PLAT: variants seen among roughly 807,000 people sequenced by gnomAD.
PLAT encodes tissue-type plasminogen activator.
Under a neutral mutation model 74.9 loss-of-function variants are expected in PLAT, and 48 were observed. That is an observed-to-expected ratio of 0.64 (90% CI 0.51 to 0.82). The LOEUF (loss-of-function observed/expected upper bound fraction) is 0.82, where lower values mean the gene tolerates loss of function less well. Among genes scored for constraint, PLAT ranks in the 40% least tolerant of loss-of-function variants. The pLI is 0.00. For synonymous variants in PLAT, 307 were observed against 294.4 expected, an observed-to-expected ratio of 1.04 and a Z score of -0.44; for missense variants, 673 against 736.2, an observed-to-expected ratio of 0.91 and a Z score of 0.99.
intron 12 of PLAT, 39 bp from the exon 13 acceptor site, chr8:42,179,102 T>G: frequency 6.6e-7 from 1 of 1,522,436 alleles, no homozygotes; most frequent in East Asian, 2.3e-5. Flanking sequence ...TAGGGAAAGT[T>G]ATTTATAAAC....
intron 1 of PLAT, among the ~76,000 whole-genome samples, chr8:42,202,582 T>C (rs1001234553): frequency 1.3e-5 from 2 of 150,422 alleles, no homozygotes; most frequent in African/African-American, 2.4e-5. Flanking sequence ...ACCCATGCTA[T>C]ATATTCACCA....
At position 42,193,167 on chromosome 8, in the gene PLAT, C is replaced by G; in HGVS notation, c.19G>C (p.Gly7Arg). The stretch of plus-strand genomic sequence containing the variant: ...CACAGCAGCAGCACACAGCAGAGCC[C>G]TCTCTTCATTGCATCCATGATTGCT... MDAMKR[G>R]LCCVLLLCGA... Residue 7 changes from glycine (G) to arginine (R), a missense_variant, in exon 2 of 14, where the codon GGG becomes CGG. By Grantham distance (125) the Gly-to-Arg change is moderately radical (BLOSUM62 -2). Transcript: ENST00000220809. The G allele has an allele frequency of 6.2e-7, 1 of 1,613,936 alleles. No homozygotes were observed. The highest frequency in any genetic ancestry group is 8.5e-7 in the Non-Finnish European group (1 of 1,179,858).
At chr8:42,184,994 C>A in intron 7 of PLAT, 87 bp downstream of exon 7, 1 of 833,614 alleles carries the variant, frequency 1.2e-6, no homozygotes, top group Non-Finnish European at 1.9e-6. Context: ...CCTTTCTCCC[C>A]TCAGGTGCAG....
intron 1 of PLAT, among the ~76,000 whole-genome samples, chr8:42,194,241 AGTGT>A (rs36208802): frequency 0.11 from 5,514 of 52,114 alleles, 180 homozygotes; most frequent in South Asian, 0.17. Context: ...AGAGAGAGAG[AGTGT>A]GTGTGTGTGT....
intron 1 of PLAT, chr8:42,195,526 C>G (rs1449230871): frequency 6.6e-6 from 1 of 152,270 alleles, no homozygotes; most frequent in Non-Finnish European, 1.5e-5. Context: ...GTCCCTTTCT[C>G]CCCGGGAGGA....
chr8:42,185,133 A>C lies in PLAT; in HGVS notation c.579T>G (p.Phe193Leu), dbSNP rs751626399. ...ACTCTGAGCTGTACTTCCCCGCCTT[A>C]AAGACGTAGCACCAGGGCTTTGAGT... is the stretch of plus-strand genomic sequence containing the variant. The part of the protein sequence containing the change: ...DRDSKPWCYV[F>L]KAGKYSSEFC... Residue 193 changes from phenylalanine to leucine, a missense_variant, in exon 7 of 14, where the codon TTT becomes TTG. Physicochemically the swap from Phe to Leu is conservative, Grantham distance 22. Coordinates refer to ENST00000220809, the MANE Select transcript of PLAT (RefSeq NM_000930.5). The C allele has an allele frequency of 1.7e-5, 28 of 1,612,762 alleles. No individual in the cohort carries two copies. The highest frequency in any genetic ancestry group is 2.4e-5 in the Non-Finnish European group (28 of 1,179,466).
chr8:42,202,244 G>C (rs542862462), intron 1 of PLAT, among the ~76,000 whole-genome samples: 5 of 150,230 alleles, frequency 3.3e-5, no homozygotes, highest in African/African-American at 1.2e-4. Context: ...TTCAAGACCC[G>C]GGCTGGTTTC....
At chr8:42,176,531 C>T (rs1168093847) in intron 13 of PLAT, among the ~76,000 whole-genome samples, 1 of 152,176 alleles carries the variant, frequency 6.6e-6, no homozygotes, top group African/African-American at 2.4e-5. Context: ...TCTGGCCACC[C>T]CCACCCAAGA....
intron 7 of PLAT, among the ~76,000 whole-genome samples, chr8:42,183,152 C>T (rs754099982): frequency 2.6e-5 from 4 of 152,136 alleles, no homozygotes; most frequent in Non-Finnish European, 4.4e-5. Context: ...TACAGGCATG[C>T]GCCACCATGC....
chr8:42,188,366 A>G (rs577303914), intron 4 of PLAT: 2 of 211,904 alleles, frequency 9.4e-6, no homozygotes, highest in African/African-American at 4.6e-5. Flanking sequence ...ACAGCAAACC[A>G]TGAAGTGTGT....
intron 3 of PLAT, 60 bp from the exon 4 acceptor site, chr8:42,189,131 C>A: frequency 1.9e-6 from 3 of 1,569,944 alleles, no homozygotes; most frequent in Non-Finnish European, 2.6e-6. Context: ...TGCCTCACTA[C>A]CCTTGCACCT....
At chr8:42,195,796 T>A (rs1309432752) in intron 1 of PLAT, 2 of 152,222 alleles carry the variant, frequency 1.3e-5, no homozygotes, top group Non-Finnish European at 2.9e-5. Flanking sequence ...TTCTCCTTGA[T>A]GTTCATGTAT....
rs2719418 is a variant in PLAT, at chr8:42,206,342, C to T, written c.-27+1152G>A. On this transcript the variant is annotated intron_variant, in intron 1 of 13. Transcript: ENST00000220809. ...CAGTGTCCCTGCCAGTGCTGGAGTC[C>T]GACTCTGCCTGCACAGGAAGCACGC... Among the ~76,000 whole-genome samples the T allele has an allele frequency of 2.0e-3, 311 of 152,212 alleles. 1 individual carries two copies. The highest frequency in any genetic ancestry group is 3.6e-3 in the Non-Finnish European group (244 of 68,018).
intron 12 of PLAT, among the ~76,000 whole-genome samples, chr8:42,179,631 TC>T (rs1805129331): frequency 6.6e-6 from 1 of 152,170 alleles, no homozygotes; most frequent in Admixed American, 6.5e-5. Context: ...TCTTTGTAAC[TC>T]CAGCTTCCCA....
rs36208802 is a variant in PLAT at position 42,194,241 on chromosome 8, AGTGTGTGT to A, written c.-26-1038_-26-1031del. Among the ~76,000 whole-genome samples, 314 of 52,522 alleles carry A rather than the reference AGTGTGTGT, an allele frequency of 6.0e-3. 3 individuals carry two copies. Among genetic ancestry groups the A allele is most frequent in the South Asian group, 8.7e-3 (12 of 1,376 alleles). The allele number at this position is 52,522 out of a possible 152,430, so 34.5% of individuals were successfully genotyped here. A position where few individuals can be genotyped will look rare whatever the true frequency, so the allele number is the denominator to read the frequency against. On this transcript the variant is annotated intron_variant, in intron 1 of 13. Coordinates refer to ENST00000220809, the MANE Select transcript of PLAT (RefSeq NM_000930.5). ...GAGAGAGAGAGAGAGAGAGAGAGAG[AGTGTGTGT>A]GTGTGTGTGTGTGTGTGTGTGTGTG...
chr8:42,179,108 T>C (rs1805104412), intron 12 of PLAT, 45 bp from the exon 13 acceptor site: 2 of 1,505,824 alleles, frequency 1.3e-6, no homozygotes, highest in Admixed American at 2.0e-5. Flanking sequence ...AAGTTATTTA[T>C]AAACGTTTTT....
Position 42,175,184 on chromosome 8 carries a change from T to A in PLAT, c.*809A>T, listed in dbSNP as rs533342847. 6 of 152,102 alleles carry A rather than the reference T, an allele frequency of 3.9e-5. No individual in the cohort carries two copies. Among genetic ancestry groups the A allele is most frequent in the Non-Finnish European group, 8.8e-5 (6 of 68,022 alleles). 9.4% of individuals were successfully genotyped at this position (152,102 alleles called of 1,614,324 possible). On this transcript the variant is annotated 3_prime_UTR_variant, in exon 14 of 14. Coordinates refer to ENST00000220809, the MANE Select transcript of PLAT (RefSeq NM_000930.5). ...TCCAAATGATTTTAAAATGTGAACA[T>A]GAATAAAGAGTGGGATACAGCATCT...
chr8:42,189,602 A>T (rs1805610199), intron 3 of PLAT, among the ~76,000 whole-genome samples: 1 of 151,036 alleles, frequency 6.6e-6, no homozygotes, highest in Non-Finnish European at 1.5e-5. Flanking sequence ...TTATTTATTT[A>T]TTATTATTAT....
chr8:42,188,625 G>A, intron 4 of PLAT: 1 of 294,902 alleles, frequency 3.4e-6, no homozygotes, highest in Middle Eastern at 9.7e-4. Flanking sequence ...TTTTGTTTTT[G>A]TTTGTGTTGT....
Sources: allele counts gnomAD v4.1 joint callset (sites outside exome capture counted in the v4.1 genomes callset), GRCh38; gene constraint gnomAD v4.1.1; transcripts MANE v1.5; gene names NCBI Gene and HGNC (gene_info 2026-07-23, HGNC 2026-07-21).